ROR1: variants seen among roughly 807,000 people sequenced by gnomAD.
The protein encoded by ROR1 is ROR family WNT receptor 1.
Under a neutral mutation model 78.8 loss-of-function variants are expected in ROR1, and 19 were observed. The observed-to-expected ratio is 0.24, with a 90% CI of 0.17 to 0.35. The LOEUF (loss-of-function observed/expected upper bound fraction) is 0.35, where lower values mean the gene tolerates loss of function less well. Among genes scored for constraint, ROR1 ranks in the 10% least tolerant of loss-of-function variants. The pLI, the probability that ROR1 is intolerant of heterozygous loss-of-function variation, is 1.00. For synonymous variants in ROR1, 386 were observed against 433.6 expected, an observed-to-expected ratio of 0.89 and a Z score of 1.36; for missense variants, 917 against 1,177.8, an observed-to-expected ratio of 0.78 and a Z score of 3.24.
intron 4 of ROR1, among the ~76,000 whole-genome samples, chr1:64,058,835 T>C (rs975667780): frequency 6.6e-6 from 1 of 152,136 alleles, no homozygotes; most frequent in Non-Finnish European, 1.5e-5. Flanking sequence ...GATATAAGGG[T>C]AATATTGGCC....
intron 4 of ROR1, among the ~76,000 whole-genome samples, chr1:64,127,213 T>A (rs1238973004): frequency 6.6e-6 from 1 of 152,212 alleles, no homozygotes; most frequent in Non-Finnish European, 1.5e-5. Flanking sequence ...ATCATATATG[T>A]ACACATTTCA....
intron 2 of ROR1, among the ~76,000 whole-genome samples, chr1:64,030,268 C>T (rs1380250443): frequency 6.6e-6 from 1 of 152,022 alleles, no homozygotes; most frequent in Non-Finnish European, 1.5e-5. Flanking sequence ...GGAAGTGATG[C>T]CTTACAGAAG....
chr1:63,786,532 A>G (rs1419138542), intron 1 of ROR1, among the ~76,000 whole-genome samples: 1 of 146,458 alleles, frequency 6.8e-6, no homozygotes, highest in Non-Finnish European at 1.5e-5. Context: ...TCGGCCTCCC[A>G]GAGTGCTGGG....
rs868162728 is a variant in ROR1, at chr1:63,949,918, A to C, written c.92-59387A>C. Reference sequence around the variant, plus strand: ...TTTTCATTAGACGACATTCGTAAACATACTTGTGTTTTCTGGGTTGGTCCA... The same window carrying C: ...TTTTCATTAGACGACATTCGTAAACCTACTTGTGTTTTCTGGGTTGGTCCA... On this transcript the variant is annotated intron_variant, in intron 1 of 8. Coordinates refer to ENST00000371079, the MANE Select transcript of ROR1 (RefSeq NM_005012.4). Among the ~76,000 whole-genome samples the C allele has an allele frequency of 7.9e-5, 12 of 152,236 alleles. No homozygotes were observed. In the East Asian group the frequency reaches 2.3e-3, roughly 29 times the overall value.
chr1:63,958,557 G>A (rs530231918), intron 1 of ROR1, among the ~76,000 whole-genome samples: 22 of 152,250 alleles, frequency 1.4e-4, no homozygotes, highest in South Asian at 6.2e-4. Flanking sequence ...GTCAAATTAC[G>A]TGGTTGATCA....
chr1:63,789,906 G>C (rs1157233689), intron 1 of ROR1, among the ~76,000 whole-genome samples: 1 of 151,954 alleles, frequency 6.6e-6, no homozygotes, highest in African/African-American at 2.4e-5. Context: ...TTTCAGGCAG[G>C]CCCTCCCAAG....
Position 63,989,166 on chromosome 1 carries a change from TTG to T in ROR1, c.92-20137_92-20136del, listed in dbSNP as rs753754646. On this transcript the variant is annotated intron_variant, in intron 1 of 8. Transcript: ENST00000371079. ...TGCCAACACTTGTCATTTTCTGTTT[TTG>T]TTTTTTTTTTTTTTTAAACTCTTTA... 8.6e-5 allele frequency among the ~76,000 whole-genome samples: 13 copies of T among 150,322 alleles called. 1 individual carries two copies. The highest frequency in any genetic ancestry group is 1.0e-4 in the Non-Finnish European group (7 of 67,474).
intron 8 of ROR1, among the ~76,000 whole-genome samples, chr1:64,171,741 A>G (rs1650248740): frequency 6.6e-6 from 1 of 152,162 alleles, no homozygotes; most frequent in Non-Finnish European, 1.5e-5. Flanking sequence ...CCTGGGCTCG[A>G]TTCCCTGCAC....
At chr1:63,788,836 T>G in intron 1 of ROR1, 1 of 685,078 alleles carries the variant, frequency 1.5e-6, no homozygotes, top group Non-Finnish European at 2.7e-6. Flanking sequence ...CTCAACCTGG[T>G]TAGCCAGGAG....
intron 1 of ROR1, among the ~76,000 whole-genome samples, chr1:63,788,212 A>T (rs188148399): frequency 4.1e-4 from 63 of 152,334 alleles, no homozygotes; most frequent in African/African-American, 1.5e-3. Flanking sequence ...CTTTTTTTAA[A>T]GCTAAGAGGA....
chr1:63,842,889 G>A (rs1396416875), intron 1 of ROR1, among the ~76,000 whole-genome samples: 1 of 151,894 alleles, frequency 6.6e-6, no homozygotes, highest in East Asian at 1.9e-4. Context: ...TGGATGTGGG[G>A]GTGTTGTTAA....
At chr1:63,892,858 C>T (rs1172573576) in intron 1 of ROR1, among the ~76,000 whole-genome samples, 1 of 152,132 alleles carries the variant, frequency 6.6e-6, no homozygotes, top group African/African-American at 2.4e-5. Context: ...ATAGGGGTGA[C>T]AGGAGAGACC....
intron 1 of ROR1, among the ~76,000 whole-genome samples, chr1:63,881,071 T>C (rs1645318907): frequency 6.6e-6 from 1 of 152,184 alleles, no homozygotes. Context: ...TAGGCAGAGA[T>C]AGGTAAAGAA....
At position 63,885,914 on chromosome 1, in the gene ROR1, CTCT is replaced by C. The variant is rs1191808883; in HGVS notation, c.91+111407_91+111409del. On this transcript the variant is annotated intron_variant, in intron 1 of 8. Coordinates refer to ENST00000371079, the MANE Select transcript of ROR1 (RefSeq NM_005012.4). ...AAGCACATTACGTTTATTTTGCACT[CTCT>C]ATTATTATTACATTGTAGTAAATAA... Among the ~76,000 whole-genome samples the C allele has an allele frequency of 3.9e-5, 6 of 152,246 alleles. No individual in the cohort carries two copies. The East Asian group carries it at 1.2e-3, about 29-fold the overall frequency.
chr1:64,012,917 G>C (rs758542823), intron 2 of ROR1, among the ~76,000 whole-genome samples: 5 of 152,186 alleles, frequency 3.3e-5, no homozygotes, highest in African/African-American at 4.8e-5. Context: ...GTCAAGAATA[G>C]TAGTGATCTG....
intron 1 of ROR1, among the ~76,000 whole-genome samples, chr1:63,852,226 C>G (rs1645118408): frequency 6.6e-6 from 1 of 152,224 alleles, no homozygotes; most frequent in South Asian, 2.1e-4. Flanking sequence ...CACAGCTCAT[C>G]AGTGGTGCTG....
intron 1 of ROR1, among the ~76,000 whole-genome samples, chr1:64,003,524 T>C (rs1387401575): frequency 6.6e-6 from 1 of 152,198 alleles, no homozygotes; most frequent in East Asian, 1.9e-4. Flanking sequence ...ACATTGAGCA[T>C]AGTACTTTCC....
intron 1 of ROR1, among the ~76,000 whole-genome samples, chr1:63,948,309 CAT>C (rs1318684470): frequency 6.6e-6 from 1 of 150,858 alleles, no homozygotes; most frequent in Non-Finnish European, 1.5e-5. Context: ...AATAAATATA[CAT>C]ATATAATAGA....
intron 1 of ROR1, among the ~76,000 whole-genome samples, chr1:63,809,808 A>G (rs986273233): frequency 3.3e-5 from 5 of 152,238 alleles, no homozygotes; most frequent in Non-Finnish European, 5.9e-5. Flanking sequence ...AAAGTCAAGA[A>G]TACGTTGGAC....
Sources: gnomAD v4.1 joint callset for allele counts (sites outside exome capture counted in the v4.1 genomes callset) on GRCh38, gnomAD v4.1.1 for gene constraint, MANE v1.5 for transcripts, NCBI Gene and HGNC (gene_info 2026-07-23, HGNC 2026-07-21) for gene names.